The following NXF1 variants were observed in gnomAD, a reference collection of about 807,000 sequenced individuals.
NXF1 encodes nuclear RNA export factor 1.
NXF1 carries 43 observed loss-of-function variants against 92.4 expected under a neutral mutation model. The observed-to-expected ratio is 0.47, with a 90% CI of 0.36 to 0.60. NXF1 has a LOEUF of 0.60. Ranked by LOEUF, NXF1 falls within the 20% of genes least tolerant of loss-of-function variation. NXF1 has a pLI of 0.00. For missense variants in NXF1, 576 were observed against 793.0 expected (o/e 0.73, Z 3.29); for synonymous variants, 288 against 292.2 (o/e 0.99, Z 0.15).
At chr11:62,798,951 G>A (rs2084449698) in intron 10 of NXF1, 1 of 1,052,862 alleles carries the variant, frequency 9.5e-7, no homozygotes, top group African/African-American at 1.7e-5. Flanking sequence ...GCCTCACCAG[G>A]TATCCATCAG....
chr11:62,795,188 A>G (rs2084407502), intron 17 of NXF1, 181 bp from the exon 18 acceptor site: 2 of 575,810 alleles, frequency 3.5e-6, no homozygotes, highest in South Asian at 4.4e-5. Flanking sequence ...GACAATAGTA[A>G]TAACTACGGC....
rs761015334 is a variant in NXF1 at position 62,803,320 on chromosome 11, A to T, written c.369+99T>A. 165 of 1,087,178 alleles carry T rather than the reference A, an allele frequency of 1.5e-4. 1 individual carries two copies. Among genetic ancestry groups the T allele is most frequent in the South Asian group, 2.1e-4 (13 of 61,472 alleles). 67.3% of individuals were successfully genotyped at this position (1,087,178 alleles called of 1,614,324 possible). A position where few individuals can be genotyped will look rare whatever the true frequency, so the allele number is the denominator to read the frequency against. On this transcript the variant is annotated intron_variant, in intron 3 of 20. Coordinates refer to ENST00000294172, the MANE Select transcript of NXF1 (RefSeq NM_006362.5). ...GACAGAGCAAGACTCCATTTAAAAA[A>T]AATAATAATAATAATTTTTGTGGAA...
intron 10 of NXF1, chr11:62,799,816 C>G (rs1021087049): frequency 1.0e-5 from 10 of 986,124 alleles, no homozygotes; most frequent in Non-Finnish European, 1.2e-5. Flanking sequence ...GCAAGAGAGA[C>G]AGATTGCATG....
At chr11:62,800,793 T>G (rs2084470409) in intron 9 of NXF1, among the ~76,000 whole-genome samples, 1 of 151,884 alleles carries the variant, frequency 6.6e-6, no homozygotes, top group Non-Finnish European at 1.5e-5. Context: ...TTAAAAAAAT[T>G]TTTTTGAGAC....
chr11:62,797,523 G>C, intron 11 of NXF1, 137 bp from the exon 12 acceptor site: 1 of 726,204 alleles, frequency 1.4e-6, no homozygotes, highest in Non-Finnish European at 2.3e-6. Flanking sequence ...GGACAACGTG[G>C]CAAAACCCAT....
chr11:62,802,303 G>A (rs1181039001), intron 3 of NXF1, 43 bp from the exon 4 acceptor site: 12 of 1,532,570 alleles, frequency 7.8e-6, no homozygotes, highest in Admixed American at 1.7e-5. Context: ...GATAAGTAAG[G>A]CTGAATAGCA....
Position 62,799,676 on chromosome 11 carries a change from T to C in NXF1, c.1016+701A>G, listed in dbSNP as rs1427675519. 9.1e-6 allele frequency: 9 copies of C among 985,910 alleles called. No homozygotes were observed. In the East Asian group the frequency reaches 1.0e-3, roughly 112 times the overall value. 61.1% of individuals were successfully genotyped at this position (985,910 alleles called of 1,614,324 possible). A position where few individuals can be genotyped will look rare whatever the true frequency, so the allele number is the denominator to read the frequency against. ...TCAGTTCTCTGTCTCCTTGGTAGCC[T>C]ATGCCCCCGTGGCCTCCACGCCCAG... On this transcript the variant is annotated intron_variant, in intron 10 of 20. Coordinates refer to ENST00000294172, the MANE Select transcript of NXF1 (RefSeq NM_006362.5).
chr11:62,800,098 C>T, intron 10 of NXF1: 1 of 1,268,022 alleles, frequency 7.9e-7, no homozygotes, highest in Non-Finnish European at 1.0e-6. Context: ...CCTGGAACAA[C>T]AGGGTAGGGA....
At chr11:62,800,969 G>A (rs1321227260) in intron 9 of NXF1, 125 bp downstream of exon 9, 2 of 729,322 alleles carry the variant, frequency 2.7e-6, no homozygotes, top group East Asian at 2.6e-5. Context: ...CAAAGTGTTA[G>A]GATTAGAGTT....
intron 1 of NXF1, 190 bp downstream of exon 1, chr11:62,805,139 C>T (rs1393006665): frequency 1.1e-5 from 5 of 437,770 alleles, no homozygotes; most frequent in Non-Finnish European, 2.0e-5. Flanking sequence ...GGTCCCCCAA[C>T]ACCAGGATGC....
At position 62,803,861 on chromosome 11, in the gene NXF1, G is replaced by T; in HGVS notation, c.146C>A (p.Ser49Tyr). The T allele has an allele frequency of 6.2e-7, 1 of 1,614,198 alleles. No individual in the cohort carries two copies. Among genetic ancestry groups the T allele is most frequent in the Non-Finnish European group, 8.5e-7 (1 of 1,180,046 alleles). ...TCCATCATCTTCCTCAAGGCGGGAA[G>T]ACCGAATACCAGAACCGCCTCTTCC... ...RSGRGGSGIR[S>Y]SRLEEDDGDV... The change falls in exon 2 of 21, where the codon TCT becomes TAT. Residue 49 changes from serine to tyrosine, a missense_variant. Physicochemically the swap from Ser to Tyr is moderately radical, Grantham distance 144. Around this residue, in one of 2 missense-constraint regions of NXF1, gnomAD observed 151 missense variants for 157.8 expected, o/e 0.96. Transcript: ENST00000294172.
At chr11:62,799,934 C>G (rs1177140783) in intron 10 of NXF1, 1 of 992,178 alleles carries the variant, frequency 1.0e-6, no homozygotes, top group Non-Finnish European at 1.2e-6. Flanking sequence ...GGGGCCATCA[C>G]AGTACAAAGG....
intron 9 of NXF1, 65 bp from the exon 10 acceptor site, chr11:62,800,551 C>T: frequency 9.6e-7 from 1 of 1,044,012 alleles, no homozygotes; most frequent in Non-Finnish European, 1.4e-6. Context: ...GCTCCCCATA[C>T]CCCCAGTCCC....
chr11:62,798,166 G>A (rs1274419650), intron 11 of NXF1, among the ~76,000 whole-genome samples: 6 of 150,310 alleles, frequency 4.0e-5, no homozygotes, highest in East Asian at 3.9e-4. Context: ...AGTGGCTCAC[G>A]TCTGTAATCC....
intron 18 of NXF1, 75 bp downstream of exon 18, chr11:62,794,860 G>T (rs991979862): frequency 3.6e-6 from 5 of 1,382,222 alleles, no homozygotes; most frequent in African/African-American, 2.8e-5. Context: ...CCCAAAGACT[G>T]ACTCTACCCT....
chr11:62,792,330 G>A lies in NXF1; in HGVS notation c.*146C>T. On this transcript the variant is annotated 3_prime_UTR_variant, in exon 21 of 21. Coordinates refer to ENST00000294172, the MANE Select transcript of NXF1 (RefSeq NM_006362.5). ...TTCTGAAGTCTTCCAGAAGGCAGGC[G>A]AGGAGAGGGATCAGGCAGCCCTCCC... 12 of 960,180 alleles carry A rather than the reference G, an allele frequency of 1.2e-5. No homozygotes were observed. The highest frequency in any genetic ancestry group is 9.4e-5 in the South Asian group (7 of 74,490). 59.5% of individuals were successfully genotyped at this position (960,180 alleles called of 1,614,324 possible).
chr11:62,799,948 G>C, intron 10 of NXF1: 1 of 996,764 alleles, frequency 1.0e-6, no homozygotes, highest in Non-Finnish European at 1.2e-6. Context: ...ACAAAGGAGG[G>C]AAGGCCCATC....
At chr11:62,802,328 C>A (rs2084488419) in intron 3 of NXF1, 68 bp from the exon 4 acceptor site, 1 of 1,274,674 alleles carries the variant, frequency 7.8e-7, no homozygotes, top group Non-Finnish European at 1.1e-6. Context: ...CAATACAATG[C>A]CTTTTATACC....
rs749010208 is a variant in NXF1 at position 62,801,557 on chromosome 11, C to A, written c.709+5G>T. On this transcript the variant is annotated splice_donor_5th_base_variant and intron_variant, in intron 7 of 20. Coordinates refer to ENST00000294172, the MANE Select transcript of NXF1 (RefSeq NM_006362.5). ...CTATCTGAGAACTACTGCTGTCAAC[C>A]ATACCTGGGTCTGAACGGAGGCCTT... 6.2e-6 allele frequency: 10 copies of A among 1,613,990 alleles called. No homozygotes were observed. Among genetic ancestry groups the A allele is most frequent in the Non-Finnish European group, 7.6e-6 (9 of 1,179,958 alleles).
Sources: allele counts gnomAD v4.1 joint callset (sites outside exome capture counted in the v4.1 genomes callset), GRCh38; gene constraint gnomAD v4.1.1; regional missense constraint gnomAD v4.1.1; transcripts MANE v1.5; gene names NCBI Gene and HGNC (gene_info 2026-07-23, HGNC 2026-07-21).